The following GRID1 variants were observed in gnomAD, a reference collection of about 807,000 sequenced individuals.
GRID1 encodes the protein glutamate receptor ionotropic, delta-1.
Under a neutral mutation model 98.0 loss-of-function variants are expected in GRID1, and 28 were observed. The observed-to-expected ratio is 0.29, with a 90% CI of 0.21 to 0.39. The LOEUF is 0.39. GRID1 is among the 10% of genes least tolerant of loss of function. GRID1 has a pLI of 1.00. For synonymous variants in GRID1, 553 were observed against 538.5 expected (o/e 1.03, Z -0.37); for missense variants, 1,111 against 1,340.5 (o/e 0.83, Z 2.67).
intron 4 of GRID1, among the ~76,000 whole-genome samples, chr10:86,046,454 C>T (rs1158980530): frequency 2.6e-5 from 4 of 152,186 alleles, no homozygotes; most frequent in African/African-American, 7.2e-5. Flanking sequence ...AGCTAAGCCC[C>T]ACTTGGGGCT....
intron 5 of GRID1, among the ~76,000 whole-genome samples, chr10:85,912,666 C>T (rs1418447995): frequency 4.6e-5 from 7 of 152,200 alleles, no homozygotes; most frequent in Non-Finnish European, 7.3e-5. Context: ...CAGACCTGAG[C>T]TTGTTTGAGG....
chr10:86,338,627 G>A (rs901364542), intron 2 of GRID1, among the ~76,000 whole-genome samples: 3 of 152,088 alleles, frequency 2.0e-5, no homozygotes, highest in Admixed American at 6.6e-5. Context: ...GCGCAATCTC[G>A]GCTCAATGCA....
chr10:85,820,003 A>C (rs1372415190), intron 8 of GRID1, among the ~76,000 whole-genome samples: 1 of 116,356 alleles, frequency 8.6e-6, no homozygotes, highest in Non-Finnish European at 1.7e-5. Flanking sequence ...GGAAGGAAGG[A>C]AGGAAGGAAG....
At position 86,366,434 on chromosome 10, in the gene GRID1, G is replaced by A. The variant is rs1012516763; in HGVS notation, c.-42C>T. 2 of 1,397,886 alleles carry A rather than the reference G, an allele frequency of 1.4e-6. No homozygotes were observed. The highest frequency in any genetic ancestry group is 1.9e-6 in the Non-Finnish European group (2 of 1,047,124). The allele number at this position is 1,397,886 out of a possible 1,614,324, so 86.6% of individuals were successfully genotyped here. ...GCTCATCCACCCGGGCCCGGGGCGA[G>A]GCCGAGGGCAGCGCGAAGCGGGGAG... On this transcript the variant is annotated 5_prime_UTR_variant, in exon 1 of 16. Transcript: ENST00000327946. The surrounding 1 kb of genome is among the most constrained non-coding windows in gnomAD (Gnocchi z 4.1).
intron 4 of GRID1, among the ~76,000 whole-genome samples, chr10:86,048,535 A>G (rs868759574): frequency 6.6e-6 from 1 of 152,228 alleles, no homozygotes; most frequent in African/African-American, 2.4e-5. Flanking sequence ...GAATAAAATC[A>G]TTTCAAGGAA....
intron 15 of GRID1, among the ~76,000 whole-genome samples, chr10:85,611,327 C>T (rs1842730327): frequency 6.6e-6 from 1 of 152,166 alleles, no homozygotes; most frequent in Admixed American, 6.5e-5. Flanking sequence ...CAATGACTTC[C>T]CATCCAAAGG....
intron 2 of GRID1, among the ~76,000 whole-genome samples, chr10:86,355,785 C>T (rs780775584): frequency 1.8e-4 from 27 of 152,370 alleles, no homozygotes; most frequent in Non-Finnish European, 3.5e-4. Flanking sequence ...GAGGGCAGCA[C>T]CCCAGAGAAA....
At chr10:85,890,245 T>G (rs1451193346) in intron 5 of GRID1, among the ~76,000 whole-genome samples, 1 of 152,070 alleles carries the variant, frequency 6.6e-6, no homozygotes, top group Non-Finnish European at 1.5e-5. Flanking sequence ...CAAACTATAG[T>G]TAACAATAAT....
chr10:85,742,820 G>C (rs559217613), intron 8 of GRID1, among the ~76,000 whole-genome samples: 102 of 152,202 alleles, frequency 6.7e-4, no homozygotes, highest in African/African-American at 2.2e-3. Context: ...ATGTCTTTGG[G>C]ACTAGGTCAG....
At chr10:86,205,506 A>G (rs146044219) in intron 3 of GRID1, among the ~76,000 whole-genome samples, 148 of 152,304 alleles carry the variant, frequency 9.7e-4, no homozygotes, top group African/African-American at 3.5e-3. Context: ...TGAAATATGA[A>G]CAAGGCCTAC....
chr10:85,748,522 G>A (rs2132683093), intron 8 of GRID1, among the ~76,000 whole-genome samples: 1 of 152,272 alleles, frequency 6.6e-6, no homozygotes, highest in South Asian at 2.1e-4. Flanking sequence ...ATCTTTGGCA[G>A]AATGAATTTG....
intron 13 of GRID1, among the ~76,000 whole-genome samples, chr10:85,629,694 C>T (rs551042474): frequency 9.9e-5 from 15 of 152,244 alleles, no homozygotes; most frequent in African/African-American, 3.6e-4. Flanking sequence ...CATATAACTA[C>T]AGTTATCTTT....
chr10:86,222,849 A>C (rs1846279458), intron 2 of GRID1, among the ~76,000 whole-genome samples: 1 of 152,144 alleles, frequency 6.6e-6, no homozygotes, highest in African/African-American at 2.4e-5. Flanking sequence ...CCAAGCCACA[A>C]GGGCACTAGG....
At chr10:85,915,741 G>T (rs573088451) in intron 5 of GRID1, among the ~76,000 whole-genome samples, 15 of 151,754 alleles carry the variant, frequency 9.9e-5, no homozygotes, top group African/African-American at 3.4e-4. Context: ...ACTCTCGCAC[G>T]CATGTGCACA....
intron 4 of GRID1, among the ~76,000 whole-genome samples, chr10:86,126,797 C>T (rs765439051): frequency 6.6e-6 from 1 of 152,226 alleles, no homozygotes; most frequent in African/African-American, 2.4e-5. Flanking sequence ...CACACCAGGC[C>T]TTCTCAGGGG....
chr10:86,193,748 C>T (rs1845836859), intron 3 of GRID1, among the ~76,000 whole-genome samples: 1 of 152,054 alleles, frequency 6.6e-6, no homozygotes, highest in Non-Finnish European at 1.5e-5. Context: ...TCCCTCCTTT[C>T]TGAATTCCTG....
chr10:86,226,650 C>A (rs1370628974), intron 2 of GRID1, among the ~76,000 whole-genome samples: 2 of 118,884 alleles, frequency 1.7e-5, no homozygotes, highest in Non-Finnish European at 3.4e-5. Context: ...CCAGCATACC[C>A]TCCCACCTTC....
intron 13 of GRID1, among the ~76,000 whole-genome samples, chr10:85,626,811 T>C (rs892909394): frequency 1.3e-5 from 2 of 152,142 alleles, no homozygotes; most frequent in African/African-American, 4.8e-5. Context: ...ACCCAGACCA[T>C]CTGCAGAGAA....
chr10:86,245,596 G>A (rs941747532), intron 2 of GRID1, among the ~76,000 whole-genome samples: 2 of 151,756 alleles, frequency 1.3e-5, no homozygotes, highest in African/African-American at 2.4e-5. Context: ...CCATTCCTTG[G>A]TGGCCTCTGC....
Sources: allele counts gnomAD v4.1 joint callset (sites outside exome capture counted in the v4.1 genomes callset), GRCh38; gene constraint gnomAD v4.1.1; non-coding constraint Gnocchi (gnomAD v3.1); transcripts MANE v1.5; gene names NCBI Gene and HGNC (gene_info 2026-07-23, HGNC 2026-07-21).